The following RSU1 variants were observed in gnomAD, a reference collection of about 807,000 sequenced individuals.
The protein encoded by RSU1 is Ras suppressor protein 1, also known as rsu-1.
RSU1 carries 26 observed loss-of-function variants against 31.1 expected under a neutral mutation model. The observed-to-expected ratio is 0.84, with a 90% confidence interval of 0.61 to 1.16. The LOEUF (loss-of-function observed/expected upper bound fraction) is 1.16. Among genes scored for constraint, RSU1 ranks in the 50% most tolerant of loss-of-function variants. The probability of loss-of-function intolerance (pLI) is 0.00; values close to 1 mark genes in which losing one functional copy is unlikely to be tolerated. For synonymous variants in RSU1, 164 were observed against 136.3 expected, an observed-to-expected ratio of 1.20 and a Z score of -1.41; for missense variants, 320 against 339.1, an observed-to-expected ratio of 0.94 and a Z score of 0.44.
At chr10:16,622,802 A>C (rs1834092091) in intron 8 of RSU1, among the ~76,000 whole-genome samples, 2 of 152,236 alleles carry the variant, frequency 1.3e-5, no homozygotes, top group South Asian at 4.1e-4. Flanking sequence ...AAGTTTATCA[A>C]GGAGCAAGCA....
At chr10:16,705,505 T>C (rs1360078017) in intron 7 of RSU1, among the ~76,000 whole-genome samples, 1 of 152,216 alleles carries the variant, frequency 6.6e-6, no homozygotes, top group East Asian at 1.9e-4. Context: ...TATTTATTTT[T>C]TTGAGACAGA....
Position 16,737,310 on chromosome 10 carries a change from A to T in RSU1, c.598+15229T>A, listed in dbSNP as rs140361175. ...ATAAAACTGTCAAAAAGAAATAAAGAACATGTTACATGAGAAACTGCTAAA... is the reference window on the plus strand; with the variant it reads ...ATAAAACTGTCAAAAAGAAATAAAGTACATGTTACATGAGAAACTGCTAAA... On this transcript the variant is annotated intron_variant, in intron 7 of 8. Transcript: ENST00000345264. 2.8e-4 allele frequency among the ~76,000 whole-genome samples: 42 copies of T among 152,250 alleles called. No individual in the cohort carries two copies. In the East Asian group the frequency reaches 8.1e-3, roughly 29 times the overall value.
chr10:16,730,524 C>A (rs552856794), intron 7 of RSU1, among the ~76,000 whole-genome samples: 1 of 152,264 alleles, frequency 6.6e-6, no homozygotes, highest in South Asian at 2.1e-4. Context: ...GCCAACCCCC[C>A]AGCTGACCCC....
chr10:16,610,739 T>C (rs1001050465), intron 8 of RSU1, among the ~76,000 whole-genome samples: 2 of 152,190 alleles, frequency 1.3e-5, no homozygotes, highest in Admixed American at 6.5e-5. Context: ...CACACTATAA[T>C]GTAAAGTGCT....
At chr10:16,719,559 A>G (rs1214574869) in intron 7 of RSU1, among the ~76,000 whole-genome samples, 1 of 152,194 alleles carries the variant, frequency 6.6e-6, no homozygotes, top group African/African-American at 2.4e-5. Context: ...GCTCCTTCTT[A>G]TTTTAGTTTC....
At chr10:16,672,883 C>A (rs928242948) in intron 8 of RSU1, among the ~76,000 whole-genome samples, 2 of 152,130 alleles carry the variant, frequency 1.3e-5, no homozygotes, top group Non-Finnish European at 2.9e-5. Flanking sequence ...CTGTTGTATG[C>A]CAATTGTTGT....
At chr10:16,635,713 T>G (rs140598612) in intron 8 of RSU1, among the ~76,000 whole-genome samples, 2 of 152,342 alleles carry the variant, frequency 1.3e-5, no homozygotes, top group Non-Finnish European at 2.9e-5. Context: ...TCCTTAACCC[T>G]ACATCCTCTT....
At chr10:16,701,693 C>G (rs768894756) in intron 7 of RSU1, among the ~76,000 whole-genome samples, 2 of 152,054 alleles carry the variant, frequency 1.3e-5, no homozygotes, top group Non-Finnish European at 2.9e-5. Context: ...CAAGCAGCAC[C>G]TGATTTAAGT....
In RSU1 at chr10:16,592,022, G is replaced by A. The variant is rs1204277035; in HGVS notation, c.*1372C>T. ...TCTGTGGCCTCTCTGATTGAAATGC[G>A]AAGTCTGTTTCCTAAGTAACTCAGA... is the stretch of plus-strand genomic sequence containing the variant. On this transcript the variant is annotated 3_prime_UTR_variant, in exon 9 of 9. Transcript: ENST00000345264. The A allele has an allele frequency of 2.6e-5, 4 of 152,320 alleles. No homozygotes were observed. The highest frequency in any genetic ancestry group is 3.9e-4 in the East Asian group (2 of 5,168). The allele number at this position is 152,320 out of a possible 1,614,324, so 9.4% of individuals were successfully genotyped here.
chr10:16,804,811 T>G (rs1838232888), intron 2 of RSU1, among the ~76,000 whole-genome samples: 1 of 152,080 alleles, frequency 6.6e-6, no homozygotes, highest in African/African-American at 2.4e-5. Context: ...TGTCTGAGGT[T>G]TTGGAGGTAG....
chr10:16,628,387 G>A (rs984835091), intron 8 of RSU1, among the ~76,000 whole-genome samples: 2 of 152,196 alleles, frequency 1.3e-5, no homozygotes, highest in African/African-American at 4.8e-5. Context: ...ACACTTCTCA[G>A]TAGATTCGAT....
intron 8 of RSU1, among the ~76,000 whole-genome samples, chr10:16,680,885 C>T (rs1835318370): frequency 6.6e-6 from 1 of 152,100 alleles, no homozygotes; most frequent in African/African-American, 2.4e-5. Context: ...ACCTTGTTCC[C>T]AAGGGAAAGG....
intron 2 of RSU1, among the ~76,000 whole-genome samples, chr10:16,784,741 C>T (rs1280978323): frequency 6.6e-6 from 1 of 152,146 alleles, no homozygotes; most frequent in African/African-American, 2.4e-5. Context: ...TTCATAAAAC[C>T]ATTCGATCTC....
intron 8 of RSU1, among the ~76,000 whole-genome samples, chr10:16,664,884 C>G (rs1834959445): frequency 6.6e-6 from 1 of 152,186 alleles, no homozygotes; most frequent in African/African-American, 2.4e-5. Flanking sequence ...ATTATTAACA[C>G]TGACAGCACC....
At position 16,817,414 on chromosome 10, in the gene RSU1, G is replaced by A. The variant is rs755171313; in HGVS notation, c.-103C>T. 2 of 263,492 alleles carry A rather than the reference G, an allele frequency of 7.6e-6. No individual in the cohort carries two copies. The highest frequency in any genetic ancestry group is 1.5e-5 in the Non-Finnish European group (2 of 134,892). 16.3% of individuals were successfully genotyped at this position (263,492 alleles called of 1,614,324 possible). On this transcript the variant is annotated 5_prime_UTR_variant, in exon 1 of 9. Coordinates refer to ENST00000345264, the MANE Select transcript of RSU1 (RefSeq NM_012425.4). ...CCCTGCAACACCGGCACTGAACAGC[G>A]AACACGCCCTGTCTCGGCGCCCCGC...
chr10:16,788,245 G>C (rs1049278460), intron 2 of RSU1, among the ~76,000 whole-genome samples: 3 of 152,168 alleles, frequency 2.0e-5, no homozygotes, highest in Admixed American at 2.0e-4. Flanking sequence ...CAGTCCAGAG[G>C]CCCCTGGTTT....
intron 8 of RSU1, among the ~76,000 whole-genome samples, chr10:16,652,410 A>AAC (rs1437539579): frequency 1.3e-5 from 2 of 150,988 alleles, no homozygotes; most frequent in Non-Finnish European, 2.9e-5. Context: ...AAAAAAAAAA[A>AAC]AACCCGAGAA....
At chr10:16,707,396 C>A (rs1371195306) in intron 7 of RSU1, among the ~76,000 whole-genome samples, 2 of 152,060 alleles carry the variant, frequency 1.3e-5, no homozygotes, top group Non-Finnish European at 2.9e-5. Context: ...CCCTTATTTT[C>A]TCTTTTTAAC....
Position 16,595,235 on chromosome 10 carries a change from G to A in RSU1, c.732-1739C>T, listed in dbSNP as rs115043167. 4.3e-3 allele frequency among the ~76,000 whole-genome samples: 658 copies of A among 152,314 alleles called. 9 individuals carry two copies. Among genetic ancestry groups the A allele is most frequent in the African/African-American group, 0.014 (602 of 41,570 alleles). On this transcript the variant is annotated intron_variant, in intron 8 of 8. Transcript: ENST00000345264. ...GGCGTCCAATACTAGTGTTCTTGAT[G>A]ACATCTCCACCATGGCTGACAGGCA... is the stretch of plus-strand genomic sequence containing the variant.
Sources: gnomAD v4.1 joint callset for allele counts (sites outside exome capture counted in the v4.1 genomes callset) on GRCh38, gnomAD v4.1.1 for gene constraint, MANE v1.5 for transcripts, NCBI Gene and HGNC (gene_info 2026-07-23, HGNC 2026-07-21) for gene names.